Variants in ATP4A observed in about 807,000 individuals in gnomAD.
The protein encoded by ATP4A is potassium-transporting ATPase alpha chain 1.
Under a neutral mutation model 112.1 loss-of-function variants are expected in ATP4A, and 73 were observed. The ratio of observed to expected loss-of-function variants is 0.65; its 90% CI spans 0.54 to 0.79. The LOEUF is 0.79. ATP4A is among the 30% of genes least tolerant of loss of function. The pLI is 0.00. For missense variants in ATP4A, 1,081 were observed against 1,425.9 expected (o/e 0.76, Z 3.90); for synonymous variants, 588 against 588.9 (o/e 1.00, Z 0.02).
In ATP4A at chr19:35,550,840, G is replaced by C; in HGVS notation, c.3073C>G (p.Pro1025Ala). The C allele has an allele frequency of 6.2e-7, 1 of 1,614,048 alleles. No homozygotes were observed. The highest frequency in any genetic ancestry group is 8.5e-7 in the Non-Finnish European group (1 of 1,179,920). The change falls in exon 21 of 22, where the codon CCA becomes GCA. Residue 1025 changes from proline (P) to alanine (A), a missense_variant. Pro to Ala is a conservative substitution (Grantham distance 27, BLOSUM62 -1). Transcript: ENST00000262623. This position sits in a 1 kb window ranked among gnomAD's most constrained non-coding sequence, Gnocchi z 4.1. ...TCCCAGTCTCCACACTCACTCCCTG[G>C]GCAACAGCGAACTCCAAGCTTCCGG... ...EIRKLGVRCC[P>A]GSWWDQELYY
Position 35,557,870 on chromosome 19 carries a change from AGGCTGTGGACGGGGGAACGGGGCGG to A in ATP4A, c.1501-48_1501-24del, listed in dbSNP as rs773481401. The A allele has an allele frequency of 1.5e-4, 157 of 1,048,984 alleles. 1 individual carries two copies. The East Asian group carries it at 7.6e-3, about 51-fold the overall frequency. The allele number at this position is 1,048,984 out of a possible 1,614,324, so 65.0% of individuals were successfully genotyped here. ...CAGCTGTGGGCGGGGGGGAGAGGCG[AGGCTGTGGACGGGGGAACGGGGCGG>A]GGCTGTGGACGAGGGAACGGGGCGG... On this transcript the variant is annotated intron_variant, in intron 10 of 21. Transcript: ENST00000262623. This position sits in a 1 kb window ranked among gnomAD's most constrained non-coding sequence, Gnocchi z 4.4.
intron 1 of ATP4A, 35 bp downstream of exon 1, chr19:35,563,583 C>T (rs1455499174): frequency 6.2e-7 from 1 of 1,613,768 alleles, no homozygotes; most frequent in Non-Finnish European, 8.5e-7. Context: ...CAACCCCTGT[C>T]CCCACTGCAC....
In ATP4A at chr19:35,555,851, C is replaced by T. The variant is rs527680506; in HGVS notation, c.1870-39G>A. 24 of 1,573,504 alleles carry T rather than the reference C, an allele frequency of 1.5e-5. No individual in the cohort carries two copies. In the South Asian group the frequency reaches 2.4e-4, roughly 16 times the overall value. On this transcript the variant is annotated intron_variant, in intron 12 of 21. Transcript: ENST00000262623. The surrounding 1 kb of genome is among the most constrained non-coding windows in gnomAD (Gnocchi z 6.6). ...CAGTGGATCACTGACCCCTTCAGAT[C>T]AGCCCAATCTCCCTGTCCTCCCTGG...
chr19:35,553,880 C>T (rs551213207), intron 16 of ATP4A, 51 bp from the exon 17 acceptor site: 109 of 1,534,226 alleles, frequency 7.1e-5, no homozygotes, highest in Admixed American at 5.0e-4. Flanking sequence ...GGGCCCTTGT[C>T]CCCTCCACTT....
rs2071649517 is a variant in ATP4A at position 35,558,809 on chromosome 19, C to G, written c.1256-123G>C. 5 of 1,292,378 alleles carry G rather than the reference C, an allele frequency of 3.9e-6. No individual in the cohort carries two copies. Among genetic ancestry groups the G allele is most frequent in the South Asian group, 1.5e-5 (1 of 68,840 alleles). 80.1% of individuals were successfully genotyped at this position (1,292,378 alleles called of 1,614,324 possible). On this transcript the variant is annotated intron_variant, in intron 8 of 21. Transcript: ENST00000262623. This position sits in a 1 kb window ranked among gnomAD's most constrained non-coding sequence, Gnocchi z 5.1. The stretch of plus-strand genomic sequence containing the variant: ...AGACCTGGGTGGAATTGGGTTCCAC[C>G]CAACCCTGAGGGACCCAGCCCCCGG...
chr19:35,554,477 C>G (rs763469869), intron 16 of ATP4A, among the ~76,000 whole-genome samples: 3 of 152,074 alleles, frequency 2.0e-5, no homozygotes, highest in Non-Finnish European at 4.4e-5. Context: ...TAAATGTTAC[C>G]GAATAAATAC....
At chr19:35,554,697 C>T (rs1008247633) in intron 16 of ATP4A, among the ~76,000 whole-genome samples, 4 of 150,830 alleles carry the variant, frequency 2.7e-5, no homozygotes, top group Non-Finnish European at 4.4e-5. Context: ...TGGGTCGGCC[C>T]GGGCCTACCT....
Position 35,555,119 on chromosome 19 carries a change from C to A in ATP4A, c.2327-43G>T, listed in dbSNP as rs1348984865. The A allele has an allele frequency of 6.2e-7, 1 of 1,613,710 alleles. No homozygotes were observed. The highest frequency in any genetic ancestry group is 1.7e-5 in the Admixed American group (1 of 59,982). On this transcript the variant is annotated intron_variant, in intron 15 of 21. Transcript: ENST00000262623. The surrounding 1 kb of genome is among the most constrained non-coding windows in gnomAD (Gnocchi z 6.6). ...CACCTCAGCCTCCTCACAGCCCTCT[C>A]CCTCCTGTGCCCACACTGCCTGCCC...
chr19:35,559,292 T>C lies in ATP4A; in HGVS notation c.1057-101A>G, dbSNP rs939507820. ...GAAGGCTTTACCCCAGCCGCGGGGC[T>C]GCGTGTGCAACGTGCTTCTGCAAAC... is the stretch of plus-strand genomic sequence containing the variant. On this transcript the variant is annotated intron_variant, in intron 7 of 21. Coordinates refer to ENST00000262623, the MANE Select transcript of ATP4A (RefSeq NM_000704.3). The surrounding 1 kb of genome is among the most constrained non-coding windows in gnomAD (Gnocchi z 4.1). 2.4e-6 allele frequency: 3 copies of C among 1,272,836 alleles called. No homozygotes were observed. In the East Asian group the frequency reaches 7.0e-5, roughly 30 times the overall value. 78.8% of individuals were successfully genotyped at this position (1,272,836 alleles called of 1,614,324 possible).
chr19:35,551,413 G>T lies in ATP4A; in HGVS notation c.2885+34C>A, dbSNP rs765791618. On this transcript the variant is annotated intron_variant, in intron 19 of 21. Transcript: ENST00000262623. This position sits in a 1 kb window ranked among gnomAD's most constrained non-coding sequence, Gnocchi z 5.2. ...GATCTGATGGGAGTTGGGACCAGGG[G>T]TTGGAGGGCAGGAAGAGGGCCAGCC... 1.1e-5 allele frequency: 17 copies of T among 1,613,530 alleles called. No individual in the cohort carries two copies. Among genetic ancestry groups the T allele is most frequent in the Non-Finnish European group, 1.3e-5 (15 of 1,180,008 alleles).
chr19:35,556,963 G>C lies in ATP4A; in HGVS notation c.1819C>G (p.Arg607Gly). The change falls in exon 12 of 22, where the codon CGG becomes GGG. Residue 607 changes from arginine to glycine, a missense_variant. Coordinates refer to ENST00000262623, the MANE Select transcript of ATP4A (RefSeq NM_000704.3). ...AGLVSMIDPP[R>G]ATVPDAVLKC... Reference sequence around the variant, plus strand: ...AGCACAGCATCAGGGACGGTGGCCCGGGGTGGGTCAATCATGGATACAAGT... The same window carrying C: ...AGCACAGCATCAGGGACGGTGGCCCCGGGTGGGTCAATCATGGATACAAGT... 6 of 1,614,184 alleles carry C rather than the reference G, an allele frequency of 3.7e-6. No homozygotes were observed. The highest frequency in any genetic ancestry group is 3.4e-6 in the Non-Finnish European group (4 of 1,180,030).
At chr19:35,556,474 G>C (rs564091292) in intron 12 of ATP4A, among the ~76,000 whole-genome samples, 1 of 152,164 alleles carries the variant, frequency 6.6e-6, no homozygotes, top group South Asian at 2.1e-4. Flanking sequence ...GCTAAGATTG[G>C]GTAAGTAAGC....
At position 35,563,246 on chromosome 19, in the gene ATP4A, G is replaced by A. The variant is rs200588214; in HGVS notation, c.179C>T (p.Ala60Val). 21 of 1,613,554 alleles carry A rather than the reference G, an allele frequency of 1.3e-5. No homozygotes were observed. Among genetic ancestry groups the A allele is most frequent in the East Asian group, 1.1e-4 (5 of 44,832 alleles). ...GGTCTGGTATTTCTGTTCCAGCTCC[G>A]CCACTGACAGCTGGTGGTCGTTCTG... ...MEINDHQLSVAELEQKYQTSA... is the reference protein window; with the variant it reads ...MEINDHQLSVVELEQKYQTSA... Residue 60 changes from alanine to valine, a missense_variant, in exon 3 of 22, where the codon GCG becomes GTG. Transcript: ENST00000262623.
At position 35,558,263 on chromosome 19, in the gene ATP4A, G is replaced by C; in HGVS notation, c.1500+99C>G. 7.0e-7 allele frequency: 1 copy of C among 1,425,872 alleles called. No individual in the cohort carries two copies. The highest frequency in any genetic ancestry group is 9.4e-7 in the Non-Finnish European group (1 of 1,065,750). 88.3% of individuals were successfully genotyped at this position (1,425,872 alleles called of 1,614,324 possible). A position where few individuals can be genotyped will look rare whatever the true frequency, so the allele number is the denominator to read the frequency against. On this transcript the variant is annotated intron_variant, in intron 10 of 21. Transcript: ENST00000262623. This position sits in a 1 kb window ranked among gnomAD's most constrained non-coding sequence, Gnocchi z 5.1. Reference sequence around the variant, plus strand: ...TGGGGTTTGGCTGCGGAGAGAAGGGGCAAGGAGCGAAGCCCCTCGTGGCCC... The same window carrying C: ...TGGGGTTTGGCTGCGGAGAGAAGGGCCAAGGAGCGAAGCCCCTCGTGGCCC...
chr19:35,551,685 A>C lies in ATP4A; in HGVS notation c.2752-105T>G. The stretch of plus-strand genomic sequence containing the variant: ...GGGTCCCAGGGCCGTGAACCCCTAA[A>C]TGCTCTCTCTGCCTTGCATCAGAGT... On this transcript the variant is annotated intron_variant, in intron 18 of 21. Coordinates refer to ENST00000262623, the MANE Select transcript of ATP4A (RefSeq NM_000704.3). The surrounding 1 kb of genome is among the most constrained non-coding windows in gnomAD (Gnocchi z 5.2). The C allele has an allele frequency of 8.7e-5, 117 of 1,350,388 alleles. No individual in the cohort carries two copies. Among genetic ancestry groups the C allele is most frequent in the East Asian group, 4.2e-4 (15 of 35,600 alleles). The allele number at this position is 1,350,388 out of a possible 1,614,324, so 83.7% of individuals were successfully genotyped here.
chr19:35,562,375 C>A, intron 4 of ATP4A, 60 bp downstream of exon 4: 1 of 1,565,910 alleles, frequency 6.4e-7, no homozygotes, highest in Non-Finnish European at 8.7e-7. Context: ...AAGTCCCAGG[C>A]TCAGTGTCTT....
Position 35,558,043 on chromosome 19 carries a change from G to A in ATP4A, c.1501-196C>T. 1 of 610,156 alleles carries A rather than the reference G, an allele frequency of 1.6e-6. No homozygotes were observed. The highest frequency in any genetic ancestry group is 2.8e-6 in the Non-Finnish European group (1 of 352,960). The allele number at this position is 610,156 out of a possible 1,614,324, so 37.8% of individuals were successfully genotyped here. ...TTGGTAGAAGGTAAGCGTTAAGGCGGGGCTAGGTGCAGATTTGGAGTCCTG... is the reference window on the plus strand; with the variant it reads ...TTGGTAGAAGGTAAGCGTTAAGGCGAGGCTAGGTGCAGATTTGGAGTCCTG... On this transcript the variant is annotated intron_variant, in intron 10 of 21. Coordinates refer to ENST00000262623, the MANE Select transcript of ATP4A (RefSeq NM_000704.3). This position sits in a 1 kb window ranked among gnomAD's most constrained non-coding sequence, Gnocchi z 5.1.
At position 35,557,644 on chromosome 19, in the gene ATP4A, A is replaced by AG. The variant is rs1414776248; in HGVS notation, c.1693+10dup. 1 of 1,601,000 alleles carries AG rather than the reference A, an allele frequency of 6.2e-7. No individual in the cohort carries two copies. The highest frequency in any genetic ancestry group is 8.5e-7 in the Non-Finnish European group (1 of 1,174,698). On this transcript the variant is annotated intron_variant, in intron 11 of 21. Coordinates refer to ENST00000262623, the MANE Select transcript of ATP4A (RefSeq NM_000704.3). This position sits in a 1 kb window ranked among gnomAD's most constrained non-coding sequence, Gnocchi z 4.4. Reference sequence around the variant, plus strand: ...GCACCTGGAGTCTCCTCCCCTGCCCAGGGGTCTCACCGAGCACGCGTTCGC... The same window carrying AG: ...GCACCTGGAGTCTCCTCCCCTGCCCAGGGGGTCTCACCGAGCACGCGTTCGC...
rs774980185 is a variant in ATP4A at position 35,558,980 on chromosome 19, C to G, written c.1255+13G>C. The stretch of plus-strand genomic sequence containing the variant: ...GATCCTGCCCTGGCGCCTGTGCCCT[C>G]CCTCCCCCACACCTGACTGGTCTTC... On this transcript the variant is annotated intron_variant, in intron 8 of 21. Transcript: ENST00000262623. This position sits in a 1 kb window ranked among gnomAD's most constrained non-coding sequence, Gnocchi z 5.1. The G allele has an allele frequency of 6.2e-7, 1 of 1,613,836 alleles. No homozygotes were observed. Among genetic ancestry groups the G allele is most frequent in the South Asian group, 1.1e-5 (1 of 91,074 alleles).
Sources: allele counts gnomAD v4.1 joint callset (sites outside exome capture counted in the v4.1 genomes callset), GRCh38; gene constraint gnomAD v4.1.1; non-coding constraint Gnocchi (gnomAD v3.1); transcripts MANE v1.5; gene names NCBI Gene and HGNC (gene_info 2026-07-23, HGNC 2026-07-21).